The following STON2 variants were observed in gnomAD, a reference collection of about 807,000 sequenced individuals.
STON2 encodes stonin-2.
Under a neutral mutation model 65.7 loss-of-function variants are expected in STON2, and 29 were observed. That is an observed-to-expected ratio of 0.44 (90% CI 0.33 to 0.60). STON2 has a LOEUF of 0.60. Among genes scored for constraint, STON2 ranks in the 20% least tolerant of loss-of-function variants. The pLI, the probability that STON2 is intolerant of heterozygous loss-of-function variation, is 0.03. For missense variants in STON2, 1,054 were observed against 1,118.1 expected, an observed-to-expected ratio of 0.94 and a Z score of 0.82; for synonymous variants, 404 against 414.2, an observed-to-expected ratio of 0.98 and a Z score of 0.30.
intron 5 of STON2, among the ~76,000 whole-genome samples, chr14:81,284,286 C>T (rs1895247892): frequency 6.6e-6 from 1 of 152,138 alleles, no homozygotes; most frequent in South Asian, 2.1e-4. Flanking sequence ...ATGTCAAAAG[C>T]GGAGACAGGC....
rs550065582 is a variant in STON2 at position 81,362,388 on chromosome 14, A to T, written c.571+8600T>A. Among the ~76,000 whole-genome samples the T allele has an allele frequency of 7.2e-4, 109 of 152,318 alleles. 1 individual carries two copies. Among genetic ancestry groups the T allele is most frequent in the African/African-American group, 2.6e-3 (106 of 41,568 alleles). On this transcript the variant is annotated intron_variant, in intron 4 of 7. Coordinates refer to ENST00000614646, the MANE Select transcript of STON2 (RefSeq NM_001394390.1). ...TAAGTGAAATAAGCCAGGCACAGAA[A>T]AACAAGTACCAAATATTCTCCCTTA...
chr14:81,415,259 TTAA>T (rs979565816), intron 2 of STON2, among the ~76,000 whole-genome samples: 11 of 151,432 alleles, frequency 7.3e-5, no homozygotes, highest in African/African-American at 2.7e-4. Flanking sequence ...GGTACTATTA[TTAA>T]TAACACCAGC....
chr14:81,332,873 AAAATCCAC>A (rs1897258085), intron 4 of STON2: 1 of 193,562 alleles, frequency 5.2e-6, no homozygotes, highest in Non-Finnish European at 1.1e-5. Flanking sequence ...CTTCCTGTGA[AAAATCCAC>A]AATGGCCACA....
At chr14:81,306,096 C>T (rs185573901) in intron 5 of STON2, among the ~76,000 whole-genome samples, 1 of 151,330 alleles carries the variant, frequency 6.6e-6, no homozygotes, top group African/African-American at 2.4e-5. Context: ...ACTTGCAATA[C>T]ACTCTCCTTT....
intron 5 of STON2, among the ~76,000 whole-genome samples, chr14:81,293,749 T>C (rs758590936): frequency 1.3e-5 from 2 of 151,918 alleles, no homozygotes; most frequent in South Asian, 2.1e-4. Flanking sequence ...TGAATGACCA[T>C]AGGGAGAATC....
At chr14:81,410,755 G>A (rs138426340) in intron 2 of STON2, among the ~76,000 whole-genome samples, 42 of 152,286 alleles carry the variant, frequency 2.8e-4, no homozygotes, top group African/African-American at 9.1e-4. Flanking sequence ...ATCTCTGATT[G>A]TCAAGGAAAT....
intron 3 of STON2, among the ~76,000 whole-genome samples, chr14:81,373,448 G>C (rs1267034006): frequency 2.6e-5 from 4 of 152,146 alleles, no homozygotes; most frequent in Non-Finnish European, 5.9e-5. Flanking sequence ...TAGTATGGTG[G>C]TTAAGATACT....
intron 4 of STON2, among the ~76,000 whole-genome samples, chr14:81,356,480 G>C (rs1210993829): frequency 6.6e-6 from 1 of 151,796 alleles, no homozygotes; most frequent in Non-Finnish European, 1.5e-5. Flanking sequence ...TTTTTTTGTT[G>C]TGTCTCTGCC....
intron 4 of STON2, among the ~76,000 whole-genome samples, chr14:81,365,265 C>T (rs3915225): frequency 0.5 from 76,340 of 151,932 alleles, 19,754 homozygotes; most frequent in East Asian, 0.73. Flanking sequence ...TCTTCAGTCT[C>T]GTGAACCTGG....
At chr14:81,400,019 G>A (rs533915656) in intron 1 of STON2, among the ~76,000 whole-genome samples, 13 of 152,260 alleles carry the variant, frequency 8.5e-5, no homozygotes, top group Admixed American at 5.2e-4. Flanking sequence ...TGTCACAGCC[G>A]CAAAGAAGTA....
intron 3 of STON2, among the ~76,000 whole-genome samples, chr14:81,374,897 C>T (rs1443833309): frequency 4.6e-5 from 7 of 152,030 alleles, no homozygotes. Flanking sequence ...ATATCTCAAG[C>T]AGGGTAACTA....
rs371940369 is a variant in STON2, at chr14:81,278,835, T to G, written c.743-96A>C. 3.8e-5 allele frequency: 36 copies of G among 954,672 alleles called. 1 individual carries two copies. The South Asian group carries it at 6.8e-4, about 18-fold the overall frequency. The allele number at this position is 954,672 out of a possible 1,614,324, so 59.1% of individuals were successfully genotyped here. On this transcript the variant is annotated intron_variant, in intron 5 of 7. Coordinates refer to ENST00000614646, the MANE Select transcript of STON2 (RefSeq NM_001394390.1). ...AATGAGGGATTACTAGAATTTTAAC[T>G]GGAATCCAGTACATTCCAAAGCAGC...
chr14:81,339,048 G>C (rs1249524249), intron 4 of STON2, among the ~76,000 whole-genome samples: 1 of 151,964 alleles, frequency 6.6e-6, no homozygotes, highest in Non-Finnish European at 1.5e-5. Context: ...GAGGACATTC[G>C]ATAGAGGGAA....
At chr14:81,282,256 C>T (rs181066653) in intron 5 of STON2, among the ~76,000 whole-genome samples, 12 of 152,306 alleles carry the variant, frequency 7.9e-5, no homozygotes, top group African/African-American at 2.9e-4. Context: ...CAAGATGATG[C>T]TCTTGATGCA....
In STON2 at chr14:81,398,336, A is replaced by C. The variant is rs761615574; in HGVS notation, c.47T>G (p.Val16Gly). The C allele has an allele frequency of 6.2e-6, 10 of 1,613,962 alleles. No homozygotes were observed. In the Admixed American group the frequency reaches 1.0e-4, roughly 16 times the overall value. ...HVIATHQSEW[V>G]SFNEEPPFPA... ...AAAGGGTGGCTCTTCATTGAAGGAG[A>C]CCCATTCTGACTGGTGGGTGGCAAT... The change falls in exon 2 of 8, where the codon GTC becomes GGC. Residue 16 changes from valine to glycine, a missense_variant. Transcript: ENST00000614646.
chr14:81,342,203 C>T lies in STON2; in HGVS notation c.572-18016G>A, dbSNP rs148730006. ...TTGCCCGGGTGCCATGGTGAGATCTCGGCTCATTGCAACCTCTGCCTCCCA... is the reference window on the plus strand; with the variant it reads ...TTGCCCGGGTGCCATGGTGAGATCTTGGCTCATTGCAACCTCTGCCTCCCA... On this transcript the variant is annotated intron_variant, in intron 4 of 7. Transcript: ENST00000614646. 5.0e-4 allele frequency among the ~76,000 whole-genome samples: 75 copies of T among 150,098 alleles called. 1 individual carries two copies. In the South Asian group the frequency reaches 0.012, roughly 24 times the overall value.
intron 3 of STON2, among the ~76,000 whole-genome samples, chr14:81,385,181 G>T (rs1899734430): frequency 6.6e-6 from 1 of 152,230 alleles, no homozygotes; most frequent in African/African-American, 2.4e-5. Context: ...CCCACACCAA[G>T]GGTGAGCTAG....
intron 2 of STON2, among the ~76,000 whole-genome samples, chr14:81,425,575 A>C (rs1489443103): frequency 1.3e-5 from 2 of 152,174 alleles, no homozygotes; most frequent in Non-Finnish European, 2.9e-5. Context: ...TGCCATCAAA[A>C]AAAAAAAAGT....
At chr14:81,338,022 C>T (rs1897443891) in intron 4 of STON2, among the ~76,000 whole-genome samples, 1 of 152,096 alleles carries the variant, frequency 6.6e-6, no homozygotes, top group African/African-American at 2.4e-5. Context: ...AGACAGAACT[C>T]CTAAAGCTCT....
Sources: gnomAD v4.1 joint callset for allele counts (sites outside exome capture counted in the v4.1 genomes callset) on GRCh38, gnomAD v4.1.1 for gene constraint, MANE v1.5 for transcripts, NCBI Gene and HGNC (gene_info 2026-07-23, HGNC 2026-07-21) for gene names.